AGAP1: variants seen among roughly 807,000 people sequenced by gnomAD.
AGAP1 encodes ArfGAP with GTPase domain, ankyrin repeat and PH domain 1.
Under a neutral mutation model 105.3 loss-of-function variants are expected in AGAP1, and 29 were observed. The ratio of observed to expected loss-of-function variants is 0.28; its 90% CI spans 0.21 to 0.38. The LOEUF (loss-of-function observed/expected upper bound fraction) is 0.38, where lower values mean the gene tolerates loss of function less well. Ranked by LOEUF, AGAP1 falls within the 10% of genes least tolerant of loss-of-function variation. The probability of loss-of-function intolerance (pLI) is 1.00; values close to 1 mark genes in which losing one functional copy is unlikely to be tolerated. For synonymous variants in AGAP1, 509 were observed against 485.9 expected (o/e 1.05, Z -0.63); for missense variants, 998 against 1,165.1 (o/e 0.86, Z 2.09).
rs930529928 is a variant in AGAP1, at chr2:236,092,566, G to C, written c.2115-27626G>C. 6.6e-6 allele frequency among the ~76,000 whole-genome samples: 1 copy of C among 152,008 alleles called. No homozygotes were observed. The highest frequency in any genetic ancestry group is 6.6e-5 in the Admixed American group (1 of 15,264). ...CCGCCACCGTGCCCAGCTAATTTTT[G>C]TATTTTTATTAGAGACGGGGTTTCA... On this transcript the variant is annotated intron_variant, in intron 16 of 17. Transcript: ENST00000304032. The surrounding 1 kb of genome is among the most constrained non-coding windows in gnomAD (Gnocchi z 4.7).
At chr2:235,805,885 C>T (rs1172667376) in intron 8 of AGAP1, among the ~76,000 whole-genome samples, 8 of 152,182 alleles carry the variant, frequency 5.3e-5, no homozygotes, top group Non-Finnish European at 8.8e-5. Flanking sequence ...GTGCTTGGCA[C>T]GTAGTAGGTG....
rs1180872052 is a variant in AGAP1 at position 236,080,655 on chromosome 2, G to A, written c.2114+31374G>A. ...GTAACAAATTACCACCCACTTAGTG[G>A]TTTAAAGTAACACGGAAGTATTCCA... On this transcript the variant is annotated intron_variant, in intron 16 of 17. Transcript: ENST00000304032. The surrounding 1 kb of genome is among the most constrained non-coding windows in gnomAD (Gnocchi z 4.2). Among the ~76,000 whole-genome samples, 1 of 152,192 alleles carries A rather than the reference G, an allele frequency of 6.6e-6. No individual in the cohort carries two copies. Among genetic ancestry groups the A allele is most frequent in the Non-Finnish European group, 1.5e-5 (1 of 68,042 alleles).
Position 236,104,725 on chromosome 2 carries a change from C to T in AGAP1, c.2115-15467C>T, listed in dbSNP as rs1394483941. On this transcript the variant is annotated intron_variant, in intron 16 of 17. Coordinates refer to ENST00000304032, the MANE Select transcript of AGAP1 (RefSeq NM_001037131.3). The surrounding 1 kb of genome is among the most constrained non-coding windows in gnomAD (Gnocchi z 4.7). ...CCAACATGGTGAAACCCCGTCTCTA[C>T]CAAAAATACAAAAATTAGCTGGGCA... Among the ~76,000 whole-genome samples the T allele has an allele frequency of 6.6e-6, 1 of 152,134 alleles. No individual in the cohort carries two copies. Among genetic ancestry groups the T allele is most frequent in the Non-Finnish European group, 1.5e-5 (1 of 68,026 alleles).
At chr2:235,806,380 C>G (rs571868350) in intron 8 of AGAP1, among the ~76,000 whole-genome samples, 6 of 152,178 alleles carry the variant, frequency 3.9e-5, no homozygotes, top group Non-Finnish European at 8.8e-5. Flanking sequence ...TAAAATAAAT[C>G]TGTCAGAAAA....
intron 6 of AGAP1, among the ~76,000 whole-genome samples, chr2:235,766,557 G>A (rs919663587): frequency 6.6e-6 from 1 of 152,184 alleles, no homozygotes; most frequent in African/African-American, 2.4e-5. Flanking sequence ...TGGATCAGCA[G>A]CACACAAATG....
intron 9 of AGAP1, among the ~76,000 whole-genome samples, chr2:235,844,661 T>C (rs989040094): frequency 6.6e-6 from 1 of 152,262 alleles, no homozygotes; most frequent in Non-Finnish European, 1.5e-5. Flanking sequence ...CTGTCCCAGC[T>C]TCTGTCTCAT....
At chr2:236,077,122 A>G (rs959187700) in intron 16 of AGAP1, among the ~76,000 whole-genome samples, 2 of 99,944 alleles carry the variant, frequency 2.0e-5, no homozygotes, top group Non-Finnish European at 3.6e-5. Flanking sequence ...AGAAAAAAAG[A>G]GTAGAAAAAA....
intron 1 of AGAP1, among the ~76,000 whole-genome samples, chr2:235,506,731 G>A (rs746826762): frequency 1.3e-5 from 2 of 152,154 alleles, no homozygotes; most frequent in Non-Finnish European, 2.9e-5. Flanking sequence ...AGCCACACAC[G>A]AAAGCTAAGC....
intron 6 of AGAP1, among the ~76,000 whole-genome samples, chr2:235,781,396 T>C (rs1320365266): frequency 1.3e-5 from 2 of 152,252 alleles, no homozygotes; most frequent in East Asian, 3.8e-4. Context: ...AAATTTTTAA[T>C]ACAATCTTAT....
In AGAP1 at chr2:235,631,738, G is replaced by A. The variant is rs964877394; in HGVS notation, c.164-77441G>A. 6.6e-6 allele frequency among the ~76,000 whole-genome samples: 1 copy of A among 152,204 alleles called. No homozygotes were observed. The highest frequency in any genetic ancestry group is 2.4e-5 in the African/African-American group (1 of 41,454). On this transcript the variant is annotated intron_variant, in intron 1 of 17. Coordinates refer to ENST00000304032, the MANE Select transcript of AGAP1 (RefSeq NM_001037131.3). The surrounding 1 kb of genome is among the most constrained non-coding windows in gnomAD (Gnocchi z 5.4). ...CAGAAAATTCTGTGAGGTGACACAC[G>A]GAGCCTTGGAGCTGCCTGTGGCAGG...
intron 11 of AGAP1, among the ~76,000 whole-genome samples, chr2:235,909,848 C>T (rs900736243): frequency 3.3e-5 from 5 of 152,086 alleles, no homozygotes; most frequent in Admixed American, 1.3e-4. Flanking sequence ...TGGTGAAACC[C>T]CGTCTCTACT....
At chr2:235,767,070 C>T (rs915380296) in intron 6 of AGAP1, among the ~76,000 whole-genome samples, 7 of 152,002 alleles carry the variant, frequency 4.6e-5, no homozygotes, top group Admixed American at 3.9e-4. Context: ...GCCACCACGC[C>T]TGGCTAATTT....
chr2:236,023,325 G>A (rs1437753014), intron 13 of AGAP1, among the ~76,000 whole-genome samples: 1 of 152,182 alleles, frequency 6.6e-6, no homozygotes, highest in African/African-American at 2.4e-5. Flanking sequence ...AGATAAAGCT[G>A]AGATCAGAAA....
rs138380562 is a variant in AGAP1, at chr2:235,960,643, G to A, written c.1484-7819G>A. 3.0e-3 allele frequency among the ~76,000 whole-genome samples: 459 copies of A among 152,290 alleles called. 1 individual carries two copies. The highest frequency in any genetic ancestry group is 4.9e-3 in the Non-Finnish European group (335 of 68,014). On this transcript the variant is annotated intron_variant, in intron 12 of 17. Transcript: ENST00000304032. The surrounding 1 kb of genome is among the most constrained non-coding windows in gnomAD (Gnocchi z 4.9). The stretch of plus-strand genomic sequence containing the variant: ...CAGGTAGCAGGGCCCAAGAAAAATC[G>A]TCTTTTATGGAAGGCATCAAGCAAG...
rs748816099 is a variant in AGAP1, at chr2:235,494,949, G to A, written c.163+100G>A. The A allele has an allele frequency of 3.2e-4, 390 of 1,236,928 alleles. 1 individual carries two copies. Among genetic ancestry groups the A allele is most frequent in the Non-Finnish European group, 4.0e-4 (372 of 941,296 alleles). 76.6% of individuals were successfully genotyped at this position (1,236,928 alleles called of 1,614,324 possible). A position where few individuals can be genotyped will look rare whatever the true frequency, so the allele number is the denominator to read the frequency against. ...GTGCGGGTGTCCACACACGCCGGCC[G>A]GGGCACGCGGCTGCTCCGCCGAGGG... On this transcript the variant is annotated intron_variant, in intron 1 of 17. Coordinates refer to ENST00000304032, the MANE Select transcript of AGAP1 (RefSeq NM_001037131.3).
Position 236,080,685 on chromosome 2 carries a change from A to C in AGAP1, c.2114+31404A>C, listed in dbSNP as rs918513274. Among the ~76,000 whole-genome samples the C allele has an allele frequency of 2.0e-5, 3 of 152,218 alleles. No individual in the cohort carries two copies. The highest frequency in any genetic ancestry group is 7.2e-5 in the African/African-American group (3 of 41,446). ...AAGTAACACGGAAGTATTCCATTAC[A>C]GTTCTGGAGGTCAGAAGTCCAAGCT... On this transcript the variant is annotated intron_variant, in intron 16 of 17. Coordinates refer to ENST00000304032, the MANE Select transcript of AGAP1 (RefSeq NM_001037131.3). This position sits in a 1 kb window ranked among gnomAD's most constrained non-coding sequence, Gnocchi z 4.2.
chr2:236,122,680 A>ATTTTTTTT (rs71039713), intron 17 of AGAP1, among the ~76,000 whole-genome samples: 15 of 123,600 alleles, frequency 1.2e-4, no homozygotes, highest in Non-Finnish European at 1.6e-4. Context: ...TCCAGTGACA[A>ATTTTTTTT]TTTTTTTTTT....
rs1220781621 is a variant in AGAP1, at chr2:235,655,105, A to G, written c.164-54074A>G. On this transcript the variant is annotated intron_variant, in intron 1 of 17. Coordinates refer to ENST00000304032, the MANE Select transcript of AGAP1 (RefSeq NM_001037131.3). The surrounding 1 kb of genome is among the most constrained non-coding windows in gnomAD (Gnocchi z 4.3). The stretch of plus-strand genomic sequence containing the variant: ...TTTTTTGAGTTGTGTGTTAACAGAA[A>G]CCTTTGTGCATTTGACACAAGGTCA... 2.6e-5 allele frequency among the ~76,000 whole-genome samples: 4 copies of G among 151,966 alleles called. No homozygotes were observed.
rs1289962892 is a variant in AGAP1, at chr2:235,612,866, AC to A, written c.164-96312del. On this transcript the variant is annotated intron_variant, in intron 1 of 17. Transcript: ENST00000304032. This position sits in a 1 kb window ranked among gnomAD's most constrained non-coding sequence, Gnocchi z 4.3. ...GATTCTGGCTTCTGCTTCCAGTGAGACTCCGCCCAGGTTATGTTTGTGGCCT... is the reference window on the plus strand; with the variant it reads ...GATTCTGGCTTCTGCTTCCAGTGAGATCCGCCCAGGTTATGTTTGTGGCCT... 6.6e-6 allele frequency among the ~76,000 whole-genome samples: 1 copy of A among 151,154 alleles called. No individual in the cohort carries two copies. Among genetic ancestry groups the A allele is most frequent in the African/African-American group, 2.4e-5 (1 of 41,060 alleles).
Sources: gnomAD v4.1 joint callset for allele counts (sites outside exome capture counted in the v4.1 genomes callset) on GRCh38, gnomAD v4.1.1 for gene constraint, Gnocchi (gnomAD v3.1) non-coding constraint, MANE v1.5 for transcripts, NCBI Gene and HGNC (gene_info 2026-07-23, HGNC 2026-07-21) for gene names.